Variants in PPP6R1 observed in about 807,000 individuals in gnomAD.
The protein encoded by PPP6R1 is protein phosphatase 6 regulatory subunit 1, also known as serine/threonine-protein phosphatase 6 regulatory subunit 1.
Under a neutral mutation model 104.6 loss-of-function variants are expected in PPP6R1, and 39 were observed. That is an observed-to-expected ratio of 0.37 (90% CI 0.29 to 0.49). The LOEUF (loss-of-function observed/expected upper bound fraction) is 0.49. Ranked by LOEUF, PPP6R1 falls within the 20% of genes least tolerant of loss-of-function variation. PPP6R1 has a pLI of 0.98. For missense variants in PPP6R1, 1,181 were observed against 1,155.8 expected (o/e 1.02, Z -0.32); for synonymous variants, 549 against 479.0 (o/e 1.15, Z -1.91).
downstream of PPP6R1, chr19:55,228,274 C>A (rs781137549): frequency 1.2e-5 from 19 of 1,612,938 alleles, no homozygotes; most frequent in South Asian, 2.1e-4. Flanking sequence ...CTGGGTGTAG[C>A]CCCCGCTTGG....
chr19:55,242,248 T>G lies in PPP6R1; in HGVS notation c.763A>C (p.Met255Leu). The G allele has an allele frequency of 6.2e-7, 1 of 1,613,830 alleles. No homozygotes were observed. Among genetic ancestry groups the G allele is most frequent in the Non-Finnish European group, 8.5e-7 (1 of 1,179,846 alleles). Residue 255 changes from methionine (M) to leucine (L), a missense_variant, in exon 7 of 24, where the codon ATG (methionine) becomes CTG (leucine). Transcript: ENST00000412770. ...QETIEQLLSN[M>L]FEGEQSQSVI... ...GACTGGCTCTGCTCCCCCTCGAACA[T>G]GTTGCTTAAGAGCTGCTCAATCGTC...
downstream of PPP6R1, chr19:55,228,266 G>A: frequency 1.2e-6 from 2 of 1,612,988 alleles, no homozygotes; most frequent in Middle Eastern, 1.7e-4. Flanking sequence ...TGGAGGAGCT[G>A]GGTGTAGCCC....
At chr19:55,255,539 C>T (rs914851794) in intron 1 of PPP6R1, 10 of 152,174 alleles carry the variant, frequency 6.6e-5, no homozygotes, top group Non-Finnish European at 1.0e-4. Flanking sequence ...TGGAGAAGGA[C>T]CCACAAAACT....
chr19:55,249,043 C>G (rs1458365570), intron 1 of PPP6R1, among the ~76,000 whole-genome samples: 2 of 152,160 alleles, frequency 1.3e-5, no homozygotes, highest in East Asian at 3.9e-4. Context: ...TATATGGGTC[C>G]CTACACCTGG....
Position 55,246,920 on chromosome 19 carries a change from T to C in PPP6R1, c.184A>G (p.Thr62Ala). The C allele has an allele frequency of 6.2e-7, 1 of 1,613,208 alleles. No homozygotes were observed. The highest frequency in any genetic ancestry group is 8.5e-7 in the Non-Finnish European group (1 of 1,179,574). Reference sequence around the variant, plus strand: ...TCACCGCTATCTGGCGGCTCCTGGGTGACCCAGGCCACCATTGCTTGCAGG... The same window carrying C: ...TCACCGCTATCTGGCGGCTCCTGGGCGACCCAGGCCACCATTGCTTGCAGG... ...PHLQAMVAWV[T>A]QEPPDSGEER... The change falls in exon 2 of 24, where the codon ACC becomes GCC. Residue 62 changes from threonine (T) to alanine (A), a missense_variant. Transcript: ENST00000412770.
At chr19:55,236,030 A>C (rs1283038037) in intron 17 of PPP6R1, among the ~76,000 whole-genome samples, 1 of 150,798 alleles carries the variant, frequency 6.6e-6, no homozygotes, top group African/African-American at 2.4e-5. Context: ...GGGTTTCGCT[A>C]TGTTGCCCAG....
At chr19:55,228,752 T>C (rs763757718), downstream of PPP6R1, 29 of 1,612,802 alleles carry the variant, frequency 1.8e-5, 1 homozygote, top group South Asian at 1.9e-4. Flanking sequence ...GCTGGCCTGA[T>C]AGCCCCAGAG....
intron 15 of PPP6R1, among the ~76,000 whole-genome samples, chr19:55,237,309 C>A (rs979450193): frequency 6.6e-6 from 1 of 152,146 alleles, no homozygotes; most frequent in Non-Finnish European, 1.5e-5. Flanking sequence ...CAGATCCATG[C>A]CCTTGTCCCC....
At chr19:55,242,735 C>G (rs1013926071) in intron 5 of PPP6R1, 4 of 498,504 alleles carry the variant, frequency 8.0e-6, no homozygotes, top group Admixed American at 3.3e-5. Flanking sequence ...TGACCGCATA[C>G]AGGGCTGGCA....
chr19:55,242,480 G>C lies in PPP6R1; in HGVS notation c.627C>G (p.Ser209=), dbSNP rs377331797. 2 of 1,613,278 alleles carry C rather than the reference G, an allele frequency of 1.2e-6. No homozygotes were observed. Among genetic ancestry groups the C allele is most frequent in the South Asian group, 2.2e-5 (2 of 91,074 alleles). ...TGTCACACAGGGACTGGGATGCGTTGGAATGTTGCTGGAACGGGGAGAGAC... is the reference window on the plus strand; with the variant it reads ...TGTCACACAGGGACTGGGATGCGTTCGAATGTTGCTGGAACGGGGAGAGAC... The part of the protein sequence containing the change: ...IHPSKDENQH[S]NASQSLCDII... The change falls in exon 6 of 24, where the codon TCC becomes TCG. Residue 209 remains serine (S), a synonymous_variant. Transcript: ENST00000412770.
rs542128843 is a variant in PPP6R1 at position 55,241,448 on chromosome 19, C to T, written c.1008+29G>A. On this transcript the variant is annotated intron_variant, in intron 8 of 23. Coordinates refer to ENST00000412770, the MANE Select transcript of PPP6R1 (RefSeq NM_014931.4). The surrounding 1 kb of genome is among the most constrained non-coding windows in gnomAD (Gnocchi z 5.4). Reference sequence around the variant, plus strand: ...GCTGCCCTTCCTGCTTCCCCCGCCTCCCCGAGGACCAGAACCCACACCCCT... The same window carrying T: ...GCTGCCCTTCCTGCTTCCCCCGCCTTCCCGAGGACCAGAACCCACACCCCT... The T allele has an allele frequency of 1.3e-6, 2 of 1,597,186 alleles. No individual in the cohort carries two copies. Among genetic ancestry groups the T allele is most frequent in the African/African-American group, 2.7e-5 (2 of 74,658 alleles).
rs764685503 is a variant in PPP6R1 at position 55,239,645 on chromosome 19, C to T, written c.1602G>A (p.Glu534=). 1.2e-6 allele frequency: 2 copies of T among 1,612,266 alleles called. No individual in the cohort carries two copies. The highest frequency in any genetic ancestry group is 2.2e-5 in the East Asian group (1 of 44,838). ...THHLHSSSDD[E]DDRLKEFNFP... is the part of the protein sequence containing the mutation. ...AGTTGAACTCCTTGAGCCGGTCGTC[C>T]TCATCGTCACTGGAGGAGTGTAGGT... The change falls in exon 14 of 24, where the codon GAG becomes GAA. Residue 534 remains glutamate (E), a synonymous_variant. Coordinates refer to ENST00000412770, the MANE Select transcript of PPP6R1 (RefSeq NM_014931.4).
intron 15 of PPP6R1, 90 bp from the exon 16 acceptor site, chr19:55,237,060 G>A (rs554639393): frequency 2.2e-6 from 3 of 1,344,082 alleles, no homozygotes; most frequent in Middle Eastern, 1.8e-4. Context: ...ACTCAACACA[G>A]AGCTGACCCT....
chr19:55,231,989 T>C lies in PPP6R1; in HGVS notation c.2126-7A>G, dbSNP rs765176913. 5.6e-6 allele frequency: 9 copies of C among 1,603,816 alleles called. No individual in the cohort carries two copies. The highest frequency in any genetic ancestry group is 1.1e-5 in the South Asian group (1 of 90,282). On this transcript the variant is annotated splice_polypyrimidine_tract_variant and splice_region_variant and intron_variant, in intron 18 of 23. Transcript: ENST00000412770. ...GTGGCTGTCCAGCTGGGGCCTGGGA[T>C]AGAGGTGGGGGAGCGGGATGGAGGG...
chr19:55,245,741 G>A lies in PPP6R1; in HGVS notation c.228-63C>T. 3.0e-6 allele frequency: 4 copies of A among 1,345,454 alleles called. No homozygotes were observed. Among genetic ancestry groups the A allele is most frequent in the Non-Finnish European group, 4.1e-6 (4 of 974,532 alleles). The allele number at this position is 1,345,454 out of a possible 1,614,324, so 83.3% of individuals were successfully genotyped here. A position where few individuals can be genotyped will look rare whatever the true frequency, so the allele number is the denominator to read the frequency against. ...GAGGCCGGGGGCAGGGGGCGGCAAG[G>A]CTCCACCCTCTTCTCTGCACCGGGC... On this transcript the variant is annotated intron_variant, in intron 2 of 23. Transcript: ENST00000412770. The surrounding 1 kb of genome is among the most constrained non-coding windows in gnomAD (Gnocchi z 6.4).
rs62126344 is a variant in PPP6R1 at position 55,239,510 on chromosome 19, G to A, written c.1654-8C>T. The A allele has an allele frequency of 1.2e-6, 2 of 1,613,754 alleles. No homozygotes were observed. Among genetic ancestry groups the A allele is most frequent in the African/African-American group, 2.7e-5 (2 of 75,050 alleles). On this transcript the variant is annotated splice_region_variant and splice_polypyrimidine_tract_variant and intron_variant, in intron 14 of 23. Coordinates refer to ENST00000412770, the MANE Select transcript of PPP6R1 (RefSeq NM_014931.4). ...CTGGAAGTCCATGAAGGCCTGTGGGGGTGCGGAGGTTAGGGCTGGAGGGAG... is the reference window on the plus strand; with the variant it reads ...CTGGAAGTCCATGAAGGCCTGTGGGAGTGCGGAGGTTAGGGCTGGAGGGAG...
Position 55,247,019 on chromosome 19 carries a change from C to T in PPP6R1, c.85G>A (p.Asp29Asn), listed in dbSNP as rs751694467. 19 of 1,613,792 alleles carry T rather than the reference C, an allele frequency of 1.2e-5. No homozygotes were observed. In the Admixed American group the frequency reaches 2.7e-4, roughly 23 times the overall value. ...REDLSLPELLDEEDVLQECKV... is the reference protein window; with the variant it reads ...REDLSLPELLNEEDVLQECKV... ...CACTCCTGCAGCACGTCTTCCTCGT[C>T]CAGCAGCTCGGGCAGGCTCAGGTCC... Residue 29 changes from aspartate (D) to asparagine (N), a missense_variant, in exon 2 of 24, where the codon GAC becomes AAC. Asp to Asn is a conservative substitution (Grantham distance 23). Around this residue, in one of 2 missense-constraint regions of PPP6R1, gnomAD observed 139 missense variants for 200.1 expected, o/e 0.69. Coordinates refer to ENST00000412770, the MANE Select transcript of PPP6R1 (RefSeq NM_014931.4).
At position 55,231,878 on chromosome 19, in the gene PPP6R1, C is replaced by A; in HGVS notation, c.2230G>T (p.Gly744Trp). The A allele has an allele frequency of 6.6e-7, 1 of 1,505,784 alleles. No individual in the cohort carries two copies. The highest frequency in any genetic ancestry group is 1.4e-5 in the South Asian group (1 of 73,896). 93.3% of individuals were successfully genotyped at this position (1,505,784 alleles called of 1,614,324 possible). ...AGGCCCTGGGGCACACTGAGGGGCC[C>A]CTGTGGGGCTGGAGGCCCAGTGTGC... ...ELHTGPPAPQGPLSVPQGLPT... is the reference protein window; with the variant it reads ...ELHTGPPAPQWPLSVPQGLPT... Residue 744 changes from glycine to tryptophan, a missense_variant, in exon 19 of 24, where the codon GGG (glycine) becomes TGG (tryptophan). Around this residue, in one of 2 missense-constraint regions of PPP6R1, gnomAD observed 1,042 missense variants for 955.6 expected, o/e 1.09. Coordinates refer to ENST00000412770, the MANE Select transcript of PPP6R1 (RefSeq NM_014931.4).
At chr19:55,234,035 TG>T (rs1215707984) in intron 17 of PPP6R1, among the ~76,000 whole-genome samples, 14 of 152,208 alleles carry the variant, frequency 9.2e-5, no homozygotes, top group African/African-American at 3.4e-4. Context: ...CTGCAACCTC[TG>T]CCTGCCAGGT....
Sources: gnomAD v4.1 joint callset for allele counts (sites outside exome capture counted in the v4.1 genomes callset) on GRCh38, gnomAD v4.1.1 for gene constraint, gnomAD v4.1.1 regional missense constraint, Gnocchi (gnomAD v3.1) non-coding constraint, MANE v1.5 for transcripts, NCBI Gene and HGNC (gene_info 2026-07-23, HGNC 2026-07-21) for gene names.